MARCHF11: variants seen among roughly 807,000 people sequenced by gnomAD.
MARCHF11 encodes E3 ubiquitin-protein ligase MARCHF11.
Under a neutral mutation model 37.3 loss-of-function variants are expected in MARCHF11, and 29 were observed. That is an observed-to-expected ratio of 0.78 (90% CI 0.58 to 1.06). The LOEUF (loss-of-function observed/expected upper bound fraction) is 1.06, where lower values mean the gene tolerates loss of function less well. Ranked by LOEUF, MARCHF11 falls within the 50% of genes least tolerant of loss-of-function variation. The pLI, the probability that MARCHF11 is intolerant of heterozygous loss-of-function variation, is 0.00. For missense variants in MARCHF11, 482 were observed against 533.4 expected, an observed-to-expected ratio of 0.90 and a Z score of 0.95; for synonymous variants, 233 against 228.0, an observed-to-expected ratio of 1.02 and a Z score of -0.20.
At chr5:16,118,756 T>C (rs1023213603) in intron 2 of MARCHF11, among the ~76,000 whole-genome samples, 3 of 152,188 alleles carry the variant, frequency 2.0e-5, no homozygotes, top group African/African-American at 7.2e-5. Flanking sequence ...TTCAGAGGCG[T>C]CTTAGGATCT....
chr5:16,090,864 T>A (rs1421805572), intron 3 of MARCHF11, 25 bp downstream of exon 3: 3 of 1,460,612 alleles, frequency 2.1e-6, no homozygotes, highest in Non-Finnish European at 2.7e-6. Flanking sequence ...TGACAGTGTG[T>A]TAACGTTGAA....
intron 2 of MARCHF11, among the ~76,000 whole-genome samples, chr5:16,117,231 T>C (rs1445207791): frequency 1.3e-5 from 2 of 152,186 alleles, no homozygotes; most frequent in Admixed American, 6.5e-5. Flanking sequence ...TGGAAATTTT[T>C]CACATTGATT....
chr5:16,106,256 C>G (rs1323203189), intron 2 of MARCHF11, among the ~76,000 whole-genome samples: 1 of 152,124 alleles, frequency 6.6e-6, no homozygotes, highest in East Asian at 1.9e-4. Context: ...GCACCCCATT[C>G]AAAATAAGCC....
chr5:16,150,080 G>A (rs1215452420), intron 2 of MARCHF11, among the ~76,000 whole-genome samples: 2 of 149,384 alleles, frequency 1.3e-5, no homozygotes, highest in Non-Finnish European at 2.9e-5. Flanking sequence ...CCTCTGTCTT[G>A]ATCTGGGTGG....
At chr5:16,145,802 T>C (rs901609233) in intron 2 of MARCHF11, among the ~76,000 whole-genome samples, 2 of 152,146 alleles carry the variant, frequency 1.3e-5, no homozygotes, top group Non-Finnish European at 2.9e-5. Context: ...TATTTCAACA[T>C]AGGTATGACA....
intron 2 of MARCHF11, among the ~76,000 whole-genome samples, chr5:16,150,580 T>G (rs1737873564): frequency 7.2e-6 from 1 of 138,840 alleles, no homozygotes; most frequent in Non-Finnish European, 1.5e-5. Context: ...TGGTCAGGTC[T>G]GCGGTACATT....
intron 2 of MARCHF11, among the ~76,000 whole-genome samples, chr5:16,101,756 G>A (rs1487429074): frequency 2.6e-5 from 4 of 152,142 alleles, no homozygotes; most frequent in African/African-American, 4.8e-5. Context: ...CTCTCAACAG[G>A]CTATTGCTGT....
chr5:16,175,600 C>G (rs994987477), intron 2 of MARCHF11, among the ~76,000 whole-genome samples: 2 of 152,296 alleles, frequency 1.3e-5, no homozygotes, highest in Admixed American at 1.3e-4. Context: ...ATAGATTTGT[C>G]ATGAAGATTA....
At chr5:16,154,687 T>C (rs545127811) in intron 2 of MARCHF11, among the ~76,000 whole-genome samples, 8 of 151,956 alleles carry the variant, frequency 5.3e-5, no homozygotes, top group African/African-American at 1.9e-4. Context: ...GCAAATAATA[T>C]AAACATATAA....
chr5:16,152,652 G>A (rs1445686193), intron 2 of MARCHF11, among the ~76,000 whole-genome samples: 15 of 151,906 alleles, frequency 9.9e-5, no homozygotes, highest in Non-Finnish European at 2.2e-4. Context: ...GAAATAAAGT[G>A]CCCTCTGATG....
At chr5:16,138,470 G>C (rs1737647343) in intron 2 of MARCHF11, among the ~76,000 whole-genome samples, 1 of 152,238 alleles carries the variant, frequency 6.6e-6, no homozygotes, top group Non-Finnish European at 1.5e-5. Flanking sequence ...TATTGCAGGG[G>C]TGGAGCCCTC....
At chr5:16,091,167 C>T in intron 2 of MARCHF11, 86 bp from the exon 3 acceptor site, 4 of 1,127,058 alleles carry the variant, frequency 3.5e-6, no homozygotes, top group Non-Finnish European at 4.8e-6. Flanking sequence ...TGTTTCTTTT[C>T]ATAATGTTAG....
intron 2 of MARCHF11, among the ~76,000 whole-genome samples, chr5:16,113,634 T>A (rs1238732232): frequency 1.3e-5 from 2 of 151,828 alleles, no homozygotes; most frequent in African/African-American, 2.4e-5. Context: ...TAGTGCCTTT[T>A]AAAAAAAATG....
chr5:16,177,661 C>G, intron 2 of MARCHF11, 65 bp downstream of exon 2: 2 of 1,363,846 alleles, frequency 1.5e-6, no homozygotes, highest in South Asian at 3.5e-5. Context: ...TTAGTAATAA[C>G]TAAGCTTAAG....
At chr5:16,151,434 CA>C (rs1200539222) in intron 2 of MARCHF11, among the ~76,000 whole-genome samples, 2 of 151,954 alleles carry the variant, frequency 1.3e-5, no homozygotes, top group Non-Finnish European at 2.9e-5. Context: ...TATACTCACA[CA>C]AACATTCCTA....
At chr5:16,133,706 G>C (rs949232798) in intron 2 of MARCHF11, among the ~76,000 whole-genome samples, 3 of 151,978 alleles carry the variant, frequency 2.0e-5, no homozygotes, top group Admixed American at 6.6e-5. Flanking sequence ...ATTTAAAACA[G>C]AGTGTCCAAT....
At chr5:16,128,936 A>T (rs895311213) in intron 2 of MARCHF11, among the ~76,000 whole-genome samples, 2 of 152,220 alleles carry the variant, frequency 1.3e-5, no homozygotes, top group Admixed American at 6.5e-5. Flanking sequence ...ACATTTACTT[A>T]TTCTGCCCTG....
At chr5:16,075,719 G>A (rs1250001840) in intron 3 of MARCHF11, among the ~76,000 whole-genome samples, 2 of 152,184 alleles carry the variant, frequency 1.3e-5, no homozygotes, top group Non-Finnish European at 2.9e-5. Context: ...AAAGGTTAAA[G>A]TAATATTTGC....
chr5:16,086,230 A>G (rs1433431832), intron 3 of MARCHF11, among the ~76,000 whole-genome samples: 1 of 152,194 alleles, frequency 6.6e-6, no homozygotes, highest in Non-Finnish European at 1.5e-5. Context: ...TATAAATAAA[A>G]TGCGGAAGTA....
Sources: allele counts gnomAD v4.1 joint callset (sites outside exome capture counted in the v4.1 genomes callset), GRCh38; gene constraint gnomAD v4.1.1; transcripts MANE v1.5; gene names NCBI Gene and HGNC (gene_info 2026-07-23, HGNC 2026-07-21).